FRAS1: variants seen among roughly 807,000 people sequenced by gnomAD.
FRAS1 encodes Fraser extracellular matrix complex subunit 1.
In FRAS1, 290 loss-of-function variants were observed where a neutral mutation model predicts 435.2. The ratio of observed to expected loss-of-function variants is 0.67; its 90% confidence interval spans 0.61 to 0.73. The LOEUF is 0.73. FRAS1 is among the 30% of genes least tolerant of loss of function. The pLI, the probability that FRAS1 is intolerant of heterozygous loss-of-function variation, is 0.00. For missense variants in FRAS1, 4,860 were observed against 5,001.5 expected (o/e 0.97, Z 0.85); for synonymous variants, 1,800 against 1,851.0 (o/e 0.97, Z 0.71).
At chr4:78,519,208 T>G in intron 66 of FRAS1, 123 bp from the exon 67 acceptor site, 2 of 777,282 alleles carry the variant, frequency 2.6e-6, no homozygotes, top group Non-Finnish European at 3.7e-6. Flanking sequence ...GGCACTTGCT[T>G]AATAATTATT....
chr4:78,455,877 A>G (rs751752883), intron 47 of FRAS1, among the ~76,000 whole-genome samples: 3 of 152,176 alleles, frequency 2.0e-5, no homozygotes, highest in Non-Finnish European at 4.4e-5. Flanking sequence ...ATTAACTAGG[A>G]TAGAAGCTAA....
At chr4:78,266,767 G>A in intron 7 of FRAS1, 67 bp from the exon 8 acceptor site, 1 of 1,200,410 alleles carries the variant, frequency 8.3e-7, no homozygotes, top group Non-Finnish European at 1.2e-6. Context: ...TGTCTTATGT[G>A]ACAGTGCTTC....
intron 20 of FRAS1, among the ~76,000 whole-genome samples, chr4:78,344,912 T>C (rs993882031): frequency 6.6e-6 from 1 of 152,240 alleles, no homozygotes; most frequent in African/African-American, 2.4e-5. Flanking sequence ...TCAGTTGTAG[T>C]CAACAGCTAT....
chr4:78,439,458 T>G (rs1026680144), intron 40 of FRAS1, among the ~76,000 whole-genome samples: 2 of 152,196 alleles, frequency 1.3e-5, no homozygotes, highest in African/African-American at 4.8e-5. Context: ...GTAAACAATA[T>G]TGACGGTTCC....
intron 57 of FRAS1, among the ~76,000 whole-genome samples, chr4:78,482,173 C>A (rs540665618): frequency 6.6e-6 from 1 of 152,262 alleles, no homozygotes; most frequent in African/African-American, 2.4e-5. Context: ...AAATATCCAG[C>A]CTTACAGATT....
At chr4:78,094,441 T>TC (rs1056214941) in intron 2 of FRAS1, among the ~76,000 whole-genome samples, 1 of 152,034 alleles carries the variant, frequency 6.6e-6, no homozygotes, top group Non-Finnish European at 1.5e-5. Flanking sequence ...GATCTTTTTT[T>TC]CCCCTCTACA....
At chr4:78,421,124 T>G (rs1031557889) in intron 33 of FRAS1, among the ~76,000 whole-genome samples, 4 of 151,508 alleles carry the variant, frequency 2.6e-5, no homozygotes, top group African/African-American at 9.7e-5. Context: ...TTTTCATGTT[T>G]TTACACCTGC....
chr4:78,371,705 T>G (rs564861991), intron 23 of FRAS1, among the ~76,000 whole-genome samples: 77 of 152,326 alleles, frequency 5.1e-4, no homozygotes, highest in African/African-American at 1.8e-3. Flanking sequence ...TGCACTTAAC[T>G]GTGCTATCCC....
chr4:78,517,965 A>G (rs1381221103), intron 66 of FRAS1, among the ~76,000 whole-genome samples: 5 of 152,074 alleles, frequency 3.3e-5, no homozygotes, highest in East Asian at 1.9e-4. Context: ...AAGAACAAAA[A>G]GAGGGGCTGG....
chr4:78,508,702 T>C, intron 62 of FRAS1, 29 bp from the exon 63 acceptor site: 2 of 1,612,870 alleles, frequency 1.2e-6, no homozygotes, highest in South Asian at 1.1e-5. Flanking sequence ...ATACCCAACC[T>C]GAACTGAAGC....
At chr4:78,472,996 C>G (rs1719754475) in intron 52 of FRAS1, among the ~76,000 whole-genome samples, 1 of 152,140 alleles carries the variant, frequency 6.6e-6, no homozygotes, top group South Asian at 2.1e-4. Flanking sequence ...GAAGTTTTAA[C>G]CCAACCCCAG....
intron 2 of FRAS1, among the ~76,000 whole-genome samples, chr4:78,234,468 A>C (rs985701309): frequency 2.2e-4 from 34 of 151,970 alleles, no homozygotes; most frequent in Admixed American, 1.0e-3. Flanking sequence ...CTCGTGATCC[A>C]CCCGCCTCGG....
At chr4:78,322,296 C>T (rs1357001677) in intron 18 of FRAS1, among the ~76,000 whole-genome samples, 2 of 152,218 alleles carry the variant, frequency 1.3e-5, no homozygotes, top group African/African-American at 4.8e-5. Flanking sequence ...TGAGATTGCA[C>T]TGGGCTCTTC....
intron 14 of FRAS1, 144 bp downstream of exon 14, chr4:78,286,683 G>A (rs1362641734): frequency 1.4e-6 from 1 of 736,312 alleles, no homozygotes; most frequent in Non-Finnish European, 2.2e-6. Context: ...CTGATGGGAT[G>A]AGGAGAACAG....
At position 78,315,617 on chromosome 4, in the gene FRAS1, TGTGGCCCCA is replaced by T; in HGVS notation, c.1705_1713del (p.Gly569_Ser571del). ...AGCTTGTGACCAATCCTGTGACAGT[TGTGGCCCCA>T]GTAGCCCCAGGTGTCTTACCTGTAC... On this transcript the variant is annotated inframe_deletion, in exon 16 of 74. Coordinates refer to ENST00000512123, the MANE Select transcript of FRAS1 (RefSeq NM_025074.7). 1.2e-6 allele frequency: 2 copies of T among 1,613,130 alleles called. No individual in the cohort carries two copies. The highest frequency in any genetic ancestry group is 2.2e-5 in the South Asian group (2 of 90,764).
rs557268556 is a variant in FRAS1 at position 78,305,283 on chromosome 4, T to C, written c.1535-2783T>C. The stretch of plus-strand genomic sequence containing the variant: ...TGCTGAGGAGAGCTTTACTTCCAAG[T>C]ATGTGGTCAGTTTTGGAATAGGTGT... On this transcript the variant is annotated intron_variant, in intron 14 of 73. Coordinates refer to ENST00000512123, the MANE Select transcript of FRAS1 (RefSeq NM_025074.7). 3.9e-5 allele frequency among the ~76,000 whole-genome samples: 6 copies of C among 152,054 alleles called. No homozygotes were observed. The South Asian group carries it at 1.3e-3, about 32-fold the overall frequency.
At chr4:78,098,036 T>A (rs938505916) in intron 2 of FRAS1, among the ~76,000 whole-genome samples, 3 of 151,926 alleles carry the variant, frequency 2.0e-5, no homozygotes, top group African/African-American at 7.3e-5. Flanking sequence ...GAAAATAAAT[T>A]TCTGTTTAAG....
intron 2 of FRAS1, among the ~76,000 whole-genome samples, chr4:78,217,226 C>T (rs1034899144): frequency 3.9e-5 from 6 of 152,118 alleles, no homozygotes; most frequent in African/African-American, 1.2e-4. Flanking sequence ...TTGGATGATG[C>T]CCTCCCTCAT....
At chr4:78,271,877 GA>G (rs1427333072) in intron 9 of FRAS1, among the ~76,000 whole-genome samples, 1 of 152,168 alleles carries the variant, frequency 6.6e-6, no homozygotes, top group East Asian at 1.9e-4. Flanking sequence ...CTAGATCCCT[GA>G]GGAATTGGCA....
Sources: allele counts gnomAD v4.1 joint callset (sites outside exome capture counted in the v4.1 genomes callset), GRCh38; gene constraint gnomAD v4.1.1; transcripts MANE v1.5; gene names NCBI Gene and HGNC (gene_info 2026-07-23, HGNC 2026-07-21).